The following H2BC11 variants were observed in gnomAD, a reference collection of about 807,000 sequenced individuals.
H2BC11 encodes H2B clustered histone 11.
In H2BC11, 7 loss-of-function variants were observed where a neutral mutation model predicts 6.0. The observed-to-expected ratio is 1.16, with a 90% CI of 0.66 to 2.19. The LOEUF (loss-of-function observed/expected upper bound fraction) is 2.19, where lower values mean the gene tolerates loss of function less well. Ranked by LOEUF, H2BC11 falls within the 30% of genes most tolerant of loss-of-function variation. The pLI is 0.00. For synonymous variants in H2BC11, 127 were observed against 72.0 expected (o/e 1.77, Z -3.87); for missense variants, 215 against 170.3 (o/e 1.26, Z -1.46).
rs2113636146 is a variant in H2BC11, at chr6:27,132,645, C to T, written c.106G>A (p.Glu36Lys). The T allele has an allele frequency of 6.2e-7, 1 of 1,614,236 alleles. No individual in the cohort carries two copies. The highest frequency in any genetic ancestry group is 2.2e-5 in the East Asian group (1 of 44,894). The change falls in exon 1 of 1, where the codon GAG becomes AAG. Residue 36 changes from glutamate to lysine, a missense_variant. Coordinates refer to ENST00000339812, the MANE Select transcript of H2BC11 (RefSeq NM_021058.4). ...DGKKRKRSRKESYSIYVYKVL... is the reference protein window; with the variant it reads ...DGKKRKRSRKKSYSIYVYKVL... Reference sequence around the variant, plus strand: ...TTGTACACATAGATGGAATAGCTCTCCTTGCGGCTGCGCTTGCGCTTCTTG... The same window carrying T: ...TTGTACACATAGATGGAATAGCTCTTCTTGCGGCTGCGCTTGCGCTTCTTG...
In H2BC11 at chr6:27,132,700, C is replaced by T. The variant is rs772283441; in HGVS notation, c.51G>A (p.Lys17=). ...SAPAPKKGSK[K]AVTKAQKKDG... ...CTTTCTTCTGCGCCTTAGTCACCGC[C>T]TTCTTGGAGCCCTTTTTCGGGGCGG... The change falls in exon 1 of 1, where the codon AAG becomes AAA. Residue 17 remains lysine, a synonymous_variant. Transcript: ENST00000339812. 1.9e-6 allele frequency: 3 copies of T among 1,614,216 alleles called. No individual in the cohort carries two copies. The highest frequency in any genetic ancestry group is 2.5e-6 in the Non-Finnish European group (3 of 1,180,046).
At position 27,132,644 on chromosome 6, in the gene H2BC11, T is replaced by TA; in HGVS notation, c.106_107insT (p.Glu36ValfsTer17). On this transcript the variant is annotated frameshift_variant, in exon 1 of 1. Transcript: ENST00000339812. LOFTEE classifies it high-confidence loss of function. ...CTTGTACACATAGATGGAATAGCTCTCCTTGCGGCTGCGCTTGCGCTTCTT... is the reference window on the plus strand; with the variant it reads ...CTTGTACACATAGATGGAATAGCTCTACCTTGCGGCTGCGCTTGCGCTTCTT... The TA allele has an allele frequency of 1.9e-6, 3 of 1,614,234 alleles. No homozygotes were observed. The highest frequency in any genetic ancestry group is 1.3e-5 in the African/African-American group (1 of 75,064).
rs1288937478 is a variant in H2BC11 at position 27,132,482 on chromosome 6, A to G, written c.269T>C (p.Ile90Thr). The G allele has an allele frequency of 6.2e-7, 1 of 1,614,088 alleles. No individual in the cohort carries two copies. Among genetic ancestry groups the G allele is most frequent in the Non-Finnish European group, 8.5e-7 (1 of 1,180,048 alleles). The change falls in exon 1 of 1, where the codon ATC becomes ACC. Residue 90 changes from isoleucine (I) to threonine (T), a missense_variant. Transcript: ENST00000339812. ...RLAHYNKRST[I>T]TSREIQTAVR... The stretch of plus-strand genomic sequence containing the variant: ...GGCCGTCTGGATCTCCCTGGAGGTG[A>G]TGGTCGAGCGCTTGTTGTAATGCGC...
chr6:27,132,726 G>A lies in H2BC11; in HGVS notation c.25C>T (p.Pro9Ser), dbSNP rs967455973. 3.7e-6 allele frequency: 6 copies of A among 1,613,950 alleles called. No individual in the cohort carries two copies. The African/African-American group carries it at 5.3e-5, about 14-fold the overall frequency. MPEPAKSAPAPKKGSKKAV... is the reference protein window; with the variant it reads MPEPAKSASAPKKGSKKAV... ...TTCTTGGAGCCCTTTTTCGGGGCGG[G>A]AGCAGACTTCGCTGGCTCTGGCATA... The change falls in exon 1 of 1, where the codon CCC (proline) becomes TCC (serine). Residue 9 changes from proline (P) to serine (S), a missense_variant. Physicochemically the swap from Pro to Ser is moderately conservative, Grantham distance 74 (BLOSUM62 -1). Coordinates refer to ENST00000339812, the MANE Select transcript of H2BC11 (RefSeq NM_021058.4).
rs774667736 is a variant in H2BC11, at chr6:27,132,600, G to A, written c.151C>T (p.Pro51Ser). 4 of 1,614,070 alleles carry A rather than the reference G, an allele frequency of 2.5e-6. No homozygotes were observed. Among genetic ancestry groups the A allele is most frequent in the Non-Finnish European group, 3.4e-6 (4 of 1,180,038 alleles). ...YVYKVLKQVH[P>S]DTGISSKAMG... Reference sequence around the variant, plus strand: ...GCCTTGGACGAAATGCCGGTGTCAGGGTGGACCTGCTTCAGAACCTTGTAC... The same window carrying A: ...GCCTTGGACGAAATGCCGGTGTCAGAGTGGACCTGCTTCAGAACCTTGTAC... The change falls in exon 1 of 1, where the codon CCT becomes TCT. Residue 51 changes from proline (P) to serine (S), a missense_variant. By Grantham distance (74) the Pro-to-Ser change is moderately conservative (BLOSUM62 -1). Coordinates refer to ENST00000339812, the MANE Select transcript of H2BC11 (RefSeq NM_021058.4).
Position 27,132,557 on chromosome 6 carries a change from G to A in H2BC11, c.194C>T (p.Ser65Leu). 2.5e-6 allele frequency: 4 copies of A among 1,614,212 alleles called. No individual in the cohort carries two copies. Among genetic ancestry groups the A allele is most frequent in the Non-Finnish European group, 2.5e-6 (3 of 1,180,040 alleles). The change falls in exon 1 of 1, where the codon TCG (serine) becomes TTG (leucine). Residue 65 changes from serine (S) to leucine (L), a missense_variant. By Grantham distance (145) the Ser-to-Leu change is moderately radical (BLOSUM62 -2). Coordinates refer to ENST00000339812, the MANE Select transcript of H2BC11 (RefSeq NM_021058.4). Reference sequence around the variant, plus strand: ...GCGCTCGAAAATGTCGTTCACAAACGAATTCATGATGCCCATGGCCTTGGA... The same window carrying A: ...GCGCTCGAAAATGTCGTTCACAAACAAATTCATGATGCCCATGGCCTTGGA... ...ISSKAMGIMN[S>L]FVNDIFERIA...
rs1314380753 is a variant in H2BC11, at chr6:27,132,379, G to A, written c.372C>T (p.Ser124=). ...GCAACCAACTCACTGTTTACTTAGC[G>A]CTGGTGTACTTGGTGACGGCCTTAG... The part of the protein sequence containing the change: ...EGTKAVTKYT[S]AK Residue 124 remains serine, a synonymous_variant, in exon 1 of 1, where the codon AGC becomes AGT. Transcript: ENST00000339812. 3 of 1,614,162 alleles carry A rather than the reference G, an allele frequency of 1.9e-6. No homozygotes were observed. The highest frequency in any genetic ancestry group is 1.1e-5 in the South Asian group (1 of 91,074).
rs748989276 is a variant in H2BC11 at position 27,132,768 on chromosome 6, A to C, written c.-18T>G. The C allele has an allele frequency of 6.3e-7, 1 of 1,599,790 alleles. No individual in the cohort carries two copies. Among genetic ancestry groups the C allele is most frequent in the Non-Finnish European group, 8.5e-7 (1 of 1,175,674 alleles). ...TCTGGCATAGCACTGTGTAGCTATA[A>C]AGCGCCAACGAAAAGGAAAAACAGC... is the stretch of plus-strand genomic sequence containing the variant. On this transcript the variant is annotated 5_prime_UTR_variant, in exon 1 of 1. Coordinates refer to ENST00000339812, the MANE Select transcript of H2BC11 (RefSeq NM_021058.4).
In H2BC11 at chr6:27,132,610, C is replaced by CA; in HGVS notation, c.140_141insT (p.Lys47AsnfsTer6). On this transcript the variant is annotated frameshift_variant, in exon 1 of 1. Transcript: ENST00000339812. LOFTEE classifies it high-confidence loss of function. ...AAATGCCGGTGTCAGGGTGGACCTG[C>CA]TTCAGAACCTTGTACACATAGATGG... 1 of 1,614,214 alleles carries CA rather than the reference C, an allele frequency of 6.2e-7. No homozygotes were observed. The highest frequency in any genetic ancestry group is 8.5e-7 in the Non-Finnish European group (1 of 1,180,036).
At position 27,132,376 on chromosome 6, in the gene H2BC11, A is replaced by G. The variant is rs769700111; in HGVS notation, c.375T>C (p.Ala125=). 6 of 1,614,178 alleles carry G rather than the reference A, an allele frequency of 3.7e-6. No individual in the cohort carries two copies. Among genetic ancestry groups the G allele is most frequent in the Non-Finnish European group, 5.1e-6 (6 of 1,180,032 alleles). The change falls in exon 1 of 1, where the codon GCT becomes GCC. Residue 125 remains alanine (A), a synonymous_variant. Transcript: ENST00000339812. ...TTTGCAACCAACTCACTGTTTACTT[A>G]GCGCTGGTGTACTTGGTGACGGCCT... The part of the protein sequence containing the change: ...GTKAVTKYTS[A]K
At position 27,132,576 on chromosome 6, in the gene H2BC11, C is replaced by T. The variant is rs140265793; in HGVS notation, c.175G>A (p.Ala59Thr). Residue 59 changes from alanine (A) to threonine (T), a missense_variant, in exon 1 of 1, where the codon GCC becomes ACC. Coordinates refer to ENST00000339812, the MANE Select transcript of H2BC11 (RefSeq NM_021058.4). ...ACAAACGAATTCATGATGCCCATGG[C>T]CTTGGACGAAATGCCGGTGTCAGGG... Reference protein sequence around the residue: ...VHPDTGISSKAMGIMNSFVND... With the variant: ...VHPDTGISSKTMGIMNSFVND... 8 of 1,614,078 alleles carry T rather than the reference C, an allele frequency of 5.0e-6. No individual in the cohort carries two copies. Among genetic ancestry groups the T allele is most frequent in the South Asian group, 3.3e-5 (3 of 91,088 alleles).
Position 27,132,697 on chromosome 6 carries a change from C to T in H2BC11, c.54G>A (p.Ala18=), listed in dbSNP as rs755479334. The T allele has an allele frequency of 6.2e-6, 10 of 1,614,076 alleles. No individual in the cohort carries two copies. The highest frequency in any genetic ancestry group is 2.7e-5 in the African/African-American group (2 of 74,934). Residue 18 remains alanine, a synonymous_variant, in exon 1 of 1, where the codon GCG becomes GCA. Coordinates refer to ENST00000339812, the MANE Select transcript of H2BC11 (RefSeq NM_021058.4). The stretch of plus-strand genomic sequence containing the variant: ...CGTCTTTCTTCTGCGCCTTAGTCAC[C>T]GCCTTCTTGGAGCCCTTTTTCGGGG... The part of the protein sequence containing the change: ...APAPKKGSKK[A]VTKAQKKDGK...
chr6:27,132,324 T>G lies in H2BC11; in HGVS notation c.*46A>C. ...CTCTTTCTTTGAGAACATGGGTGGC[T>G]CTTAAAAGAGCCGTTAGGGTTGAGA... On this transcript the variant is annotated 3_prime_UTR_variant, in exon 1 of 1. Transcript: ENST00000339812. The G allele has an allele frequency of 6.2e-7, 1 of 1,608,434 alleles. No individual in the cohort carries two copies. The highest frequency in any genetic ancestry group is 8.5e-7 in the Non-Finnish European group (1 of 1,177,168).
At position 27,132,333 on chromosome 6, in the gene H2BC11, A is replaced by T. The variant is rs1759846314; in HGVS notation, c.*37T>A. ...TGAGAACATGGGTGGCTCTTAAAAG[A>T]GCCGTTAGGGTTGAGAGTTTGCAAC... On this transcript the variant is annotated 3_prime_UTR_variant, in exon 1 of 1. Transcript: ENST00000339812. 2.5e-6 allele frequency: 4 copies of T among 1,610,088 alleles called. No individual in the cohort carries two copies. Among genetic ancestry groups the T allele is most frequent in the Non-Finnish European group, 3.4e-6 (4 of 1,178,190 alleles).
Position 27,132,461 on chromosome 6 carries a change from G to A in H2BC11, c.290C>T (p.Thr97Met). The A allele has an allele frequency of 6.2e-7, 1 of 1,614,242 alleles. No individual in the cohort carries two copies. Among genetic ancestry groups the A allele is most frequent in the Non-Finnish European group, 8.5e-7 (1 of 1,180,036 alleles). ...RSTITSREIQ[T>M]AVRLLLPGEL... ...CCCAGGCAGCAGCAGGCGCACGGCC[G>A]TCTGGATCTCCCTGGAGGTGATGGT... Residue 97 changes from threonine to methionine, a missense_variant, in exon 1 of 1, where the codon ACG becomes ATG. Coordinates refer to ENST00000339812, the MANE Select transcript of H2BC11 (RefSeq NM_021058.4).
chr6:27,132,339 T>TC lies in H2BC11; in HGVS notation c.*30_*31insG. On this transcript the variant is annotated 3_prime_UTR_variant, in exon 1 of 1. Coordinates refer to ENST00000339812, the MANE Select transcript of H2BC11 (RefSeq NM_021058.4). ...CATGGGTGGCTCTTAAAAGAGCCGT[T>TC]AGGGTTGAGAGTTTGCAACCAACTC... The TC allele has an allele frequency of 3.1e-6, 5 of 1,612,702 alleles. No individual in the cohort carries two copies. The highest frequency in any genetic ancestry group is 4.2e-6 in the Non-Finnish European group (5 of 1,179,196).
Position 27,132,673 on chromosome 6 carries a change from G to T in H2BC11, c.78C>A (p.Asp26Glu). 1 of 1,614,252 alleles carries T rather than the reference G, an allele frequency of 6.2e-7. No homozygotes were observed. The highest frequency in any genetic ancestry group is 8.5e-7 in the Non-Finnish European group (1 of 1,180,044). ...TGCGGCTGCGCTTGCGCTTCTTGCC[G>T]TCTTTCTTCTGCGCCTTAGTCACCG... is the stretch of plus-strand genomic sequence containing the variant. Reference protein sequence around the residue: ...KKAVTKAQKKDGKKRKRSRKE... With the variant: ...KKAVTKAQKKEGKKRKRSRKE... Residue 26 changes from aspartate (D) to glutamate (E), a missense_variant, in exon 1 of 1, where the codon GAC (aspartate) becomes GAA (glutamate). Coordinates refer to ENST00000339812, the MANE Select transcript of H2BC11 (RefSeq NM_021058.4).
Position 27,132,755 on chromosome 6 carries a change from C to A in H2BC11, c.-5G>T. The A allele has an allele frequency of 6.2e-7, 1 of 1,612,366 alleles. No individual in the cohort carries two copies. The highest frequency in any genetic ancestry group is 8.5e-7 in the Non-Finnish European group (1 of 1,179,578). ...AGACTTCGCTGGCTCTGGCATAGCA[C>A]TGTGTAGCTATAAAGCGCCAACGAA... On this transcript the variant is annotated 5_prime_UTR_variant, in exon 1 of 1. Transcript: ENST00000339812.
chr6:27,132,763 C>A lies in H2BC11; in HGVS notation c.-13G>T, dbSNP rs777755030. The A allele has an allele frequency of 6.2e-7, 1 of 1,600,328 alleles. No individual in the cohort carries two copies. The highest frequency in any genetic ancestry group is 8.5e-7 in the Non-Finnish European group (1 of 1,175,886). On this transcript the variant is annotated 5_prime_UTR_variant, in exon 1 of 1. Coordinates refer to ENST00000339812, the MANE Select transcript of H2BC11 (RefSeq NM_021058.4). ...CTGGCTCTGGCATAGCACTGTGTAGCTATAAAGCGCCAACGAAAAGGAAAA... is the reference window on the plus strand; with the variant it reads ...CTGGCTCTGGCATAGCACTGTGTAGATATAAAGCGCCAACGAAAAGGAAAA...
Sources: allele counts gnomAD v4.1 joint callset, GRCh38; gene constraint gnomAD v4.1.1; transcripts MANE v1.5; gene names NCBI Gene and HGNC (gene_info 2026-07-23, HGNC 2026-07-21).